CPLANE1: variants seen among roughly 807,000 people sequenced by gnomAD.
CPLANE1 encodes ciliogenesis and planar polarity effector 1.
CPLANE1 carries 263 observed loss-of-function variants against 362.5 expected under a neutral mutation model. The observed-to-expected ratio is 0.73, with a 90% confidence interval of 0.66 to 0.80. The LOEUF (loss-of-function observed/expected upper bound fraction) is 0.80, where lower values mean the gene tolerates loss of function less well. Ranked by LOEUF, CPLANE1 falls within the 30% of genes least tolerant of loss-of-function variation. CPLANE1 has a pLI of 0.00. For missense variants in CPLANE1, 3,461 were observed against 3,793.4 expected (o/e 0.91, Z 2.30); for synonymous variants, 1,212 against 1,302.6 (o/e 0.93, Z 1.50).
At chr5:37,120,502 C>T (rs906063200) in intron 49 of CPLANE1, among the ~76,000 whole-genome samples, 162 bp from the exon 50 acceptor site, 2 of 152,100 alleles carry the variant, frequency 1.3e-5, no homozygotes, top group African/African-American at 2.4e-5. Context: ...CCCAGAGAGT[C>T]GAGGCTGTGG....
chr5:37,227,537 C>T, intron 10 of CPLANE1, 31 bp downstream of exon 10: 1 of 1,508,828 alleles, frequency 6.6e-7, no homozygotes, highest in Non-Finnish European at 8.8e-7. Context: ...AAAAAGGCAA[C>T]TTTCCCCAAT....
In CPLANE1 at chr5:37,162,773, G is replaced by A. The variant is rs183927893; in HGVS notation, c.7589-207C>T. The A allele has an allele frequency of 8.0e-3, 2,836 of 352,460 alleles. 21 individuals carry two copies. The highest frequency in any genetic ancestry group is 0.011 in the Non-Finnish European group (2,147 of 193,532). The allele number at this position is 352,460 out of a possible 1,614,324, so 21.8% of individuals were successfully genotyped here. On this transcript the variant is annotated intron_variant, in intron 37 of 52. Coordinates refer to ENST00000651892, the MANE Select transcript of CPLANE1 (RefSeq NM_001384732.1). ...CGGCTTACTGCAACTTCCCCCTCCC[G>A]GGTTCAAGTGATTCTCCTGCCTCAG...
Position 37,120,351 on chromosome 5 carries a change from A to T in CPLANE1, c.9186-11T>A, listed in dbSNP as rs1465069640. The T allele has an allele frequency of 6.5e-7, 1 of 1,548,548 alleles. No individual in the cohort carries two copies. Among genetic ancestry groups the T allele is most frequent in the South Asian group, 1.2e-5 (1 of 80,970 alleles). On this transcript the variant is annotated splice_polypyrimidine_tract_variant and intron_variant, in intron 49 of 52. Coordinates refer to ENST00000651892, the MANE Select transcript of CPLANE1 (RefSeq NM_001384732.1). ...CCATGTTGATTCTCTCTATAGTAGA[A>T]ATCACATAATTATTACATTCCCAGA...
At position 37,179,412 on chromosome 5, in the gene CPLANE1, T is replaced by C. The variant is rs1343712219; in HGVS notation, c.5769A>G (p.Arg1923=). The part of the protein sequence containing the change: ...EDIEESVGGF[R]SPSLAICMMT... ...TCATGCAAATGGCAAGACTGGGACT[T>C]CTGAAACCTCCAACAGATTCTTCAA... is the stretch of plus-strand genomic sequence containing the variant. Residue 1923 remains arginine, a synonymous_variant, in exon 29 of 53, where the codon AGA becomes AGG. Transcript: ENST00000651892. 1 of 1,613,206 alleles carries C rather than the reference T, an allele frequency of 6.2e-7. No individual in the cohort carries two copies. Among genetic ancestry groups the C allele is most frequent in the Non-Finnish European group, 8.5e-7 (1 of 1,179,508 alleles).
In CPLANE1 at chr5:37,107,752, C is replaced by T. The variant is rs1327177098; in HGVS notation, c.9606G>A (p.Glu3202=). The change falls in exon 53 of 53, where the codon GAG becomes GAA. Residue 3202 remains glutamate (E), a synonymous_variant. Coordinates refer to ENST00000651892, the MANE Select transcript of CPLANE1 (RefSeq NM_001384732.1). ...LQDLSPTEEE[E]PEHPFGVGGV... ...CGCCCACCCCAAAAGGATGCTCTGG[C>T]TCTTCCTCTTCAGTTGGAGACAAGT... 12 of 1,610,630 alleles carry T rather than the reference C, an allele frequency of 7.5e-6. No homozygotes were observed. The highest frequency in any genetic ancestry group is 1.0e-5 in the Non-Finnish European group (12 of 1,178,300).
chr5:37,127,111 C>T (rs186090043), intron 46 of CPLANE1, among the ~76,000 whole-genome samples: 3 of 152,260 alleles, frequency 2.0e-5, no homozygotes, highest in Admixed American at 6.5e-5. Flanking sequence ...GCATTCTGTG[C>T]GACCCCACTG....
rs1179171380 is a variant in CPLANE1, at chr5:37,187,408, C to T, written c.4080+6G>A. ...TGTAGTTTACTTTCACCTACAAGCA[C>T]ATTACCTTTCTGATTGGTGGCAGTT... On this transcript the variant is annotated splice_donor_region_variant and intron_variant, in intron 23 of 52. Coordinates refer to ENST00000651892, the MANE Select transcript of CPLANE1 (RefSeq NM_001384732.1). 3 of 1,605,904 alleles carry T rather than the reference C, an allele frequency of 1.9e-6. No individual in the cohort carries two copies. Among genetic ancestry groups the T allele is most frequent in the Non-Finnish European group, 2.5e-6 (3 of 1,176,748 alleles).
At chr5:37,237,888 T>C (rs1294126100) in intron 8 of CPLANE1, among the ~76,000 whole-genome samples, 2 of 150,960 alleles carry the variant, frequency 1.3e-5, no homozygotes, top group Non-Finnish European at 2.9e-5. Flanking sequence ...TTATATAAAG[T>C]GACTTTTAGG....
chr5:37,243,160 G>T, intron 5 of CPLANE1, 41 bp from the exon 6 acceptor site: 1 of 1,179,898 alleles, frequency 8.5e-7, no homozygotes, highest in South Asian at 1.5e-5. Context: ...AAATTAATCT[G>T]AAAATAAATC....
At chr5:37,161,328 C>CT (rs1776806139) in intron 38 of CPLANE1, among the ~76,000 whole-genome samples, 4 of 152,080 alleles carry the variant, frequency 2.6e-5, no homozygotes. Context: ...AAAAAGGTGT[C>CT]CTAGCCCATC....
In CPLANE1 at chr5:37,177,611, TC is replaced by T. The variant is rs765295606; in HGVS notation, c.5900+9del. The T allele has an allele frequency of 1.2e-6, 2 of 1,606,336 alleles. No homozygotes were observed. Among genetic ancestry groups the T allele is most frequent in the East Asian group, 2.2e-5 (1 of 44,798 alleles). ...AGTGACAATCACTGTCATACTTTTTTCCCCCTTACCCTTTTTGTTCAGTCGA... is the reference window on the plus strand; with the variant it reads ...AGTGACAATCACTGTCATACTTTTTTCCCCTTACCCTTTTTGTTCAGTCGA... On this transcript the variant is annotated intron_variant, in intron 30 of 52. Coordinates refer to ENST00000651892, the MANE Select transcript of CPLANE1 (RefSeq NM_001384732.1).
In CPLANE1 at chr5:37,138,851, T is replaced by A. The variant is rs58401892; in HGVS notation, c.8664-3A>T. 3,854 of 1,596,260 alleles carry A rather than the reference T, an allele frequency of 2.4e-3. 77 individuals carry two copies. The African/African-American group carries it at 0.046, about 19-fold the overall frequency. ...TCTGGAGCGGATGTACTGAAACACTTCATTTGCAAATGTAATTTAAGAAAT... is the reference window on the plus strand; with the variant it reads ...TCTGGAGCGGATGTACTGAAACACTACATTTGCAAATGTAATTTAAGAAAT... On this transcript the variant is annotated splice_polypyrimidine_tract_variant and splice_region_variant and intron_variant, in intron 45 of 52. Transcript: ENST00000651892.
intron 44 of CPLANE1, chr5:37,141,664 C>T (rs1769753935): frequency 1.0e-6 from 1 of 983,036 alleles, no homozygotes; most frequent in African/African-American, 1.8e-5. Context: ...AATTGACCAT[C>T]AATATCTGAG....
the CPLANE1 span, among the ~76,000 whole-genome samples, chr5:37,089,146 G>C: frequency 6.6e-6 from 1 of 152,188 alleles, no homozygotes; most frequent in Non-Finnish European, 1.5e-5. Context: ...CACAGGGGCA[G>C]ACATTTCAAT....
chr5:37,185,301 G>C (rs1783690543), intron 24 of CPLANE1, among the ~76,000 whole-genome samples: 1 of 151,730 alleles, frequency 6.6e-6, no homozygotes, highest in Admixed American at 6.6e-5. Flanking sequence ...CACAGTAAAA[G>C]AGACAGAACC....
Position 37,210,006 on chromosome 5 carries a change from A to G in CPLANE1, c.2920+3553T>C, listed in dbSNP as rs540045539. The G allele has an allele frequency of 2.4e-5, 21 of 865,242 alleles. No homozygotes were observed. The African/African-American group carries it at 2.7e-4, about 11-fold the overall frequency. The allele number at this position is 865,242 out of a possible 1,614,324, so 53.6% of individuals were successfully genotyped here. On this transcript the variant is annotated intron_variant, in intron 16 of 52. Transcript: ENST00000651892. ...AATAGAAGAGCAACTTCGGGAAGAA[A>G]TATGTCAAAAGTTGAAGTTTTTTAA...
intron 21 of CPLANE1, among the ~76,000 whole-genome samples, chr5:37,190,919 T>C (rs540663216): frequency 6.6e-6 from 1 of 152,376 alleles, no homozygotes; most frequent in Non-Finnish European, 1.5e-5. Context: ...AAACAACTGT[T>C]ACTGGTTTAT....
intron 21 of CPLANE1, among the ~76,000 whole-genome samples, chr5:37,193,924 C>CT (rs746454996): frequency 0.021 from 2,855 of 136,542 alleles, 56 homozygotes; most frequent in African/African-American, 0.052. Flanking sequence ...CTTTTTTTTT[C>CT]TTTTTTTTTT....
intron 38 of CPLANE1, among the ~76,000 whole-genome samples, chr5:37,160,411 C>T (rs1363042433): frequency 1.3e-5 from 2 of 151,764 alleles, no homozygotes; most frequent in African/African-American, 4.8e-5. Context: ...AAAAATTAGC[C>T]AGGCGTGGTG....
Sources: allele counts gnomAD v4.1 joint callset (sites outside exome capture counted in the v4.1 genomes callset), GRCh38; gene constraint gnomAD v4.1.1; transcripts MANE v1.5; gene names NCBI Gene and HGNC (gene_info 2026-07-23, HGNC 2026-07-21).